The following ZFAT variants were observed in gnomAD, a reference collection of about 807,000 sequenced individuals.
ZFAT encodes zinc finger protein ZFAT.
A neutral mutation model predicts 117.7 loss-of-function variants in ZFAT; 64 were observed. The observed-to-expected ratio is 0.54, with a 90% CI of 0.44 to 0.67. The LOEUF is 0.67. ZFAT is among the 30% of genes least tolerant of loss of function. The probability of loss-of-function intolerance (pLI) is 0.00; values close to 1 mark genes in which losing one functional copy is unlikely to be tolerated. For missense variants in ZFAT, 1,433 were observed against 1,584.5 expected, an observed-to-expected ratio of 0.90 and a Z score of 1.62; for synonymous variants, 679 against 615.0, an observed-to-expected ratio of 1.10 and a Z score of -1.54.
At chr8:134,737,429 C>G in the ZFAT span, among the ~76,000 whole-genome samples, 2 of 152,218 alleles carry the variant, frequency 1.3e-5, no homozygotes, top group Non-Finnish European at 2.9e-5. Context: ...AAAGCAGCAG[C>G]TTCCTAAGCC....
intron 11 of ZFAT, among the ~76,000 whole-genome samples, chr8:134,545,478 G>A (rs769515801): frequency 5.9e-5 from 9 of 152,136 alleles, no homozygotes; most frequent in Non-Finnish European, 8.8e-5. Flanking sequence ...AACATAGCAC[G>A]ACTCTGTCTC....
chr8:134,769,537 A>G, the ZFAT span, among the ~76,000 whole-genome samples: 1 of 152,088 alleles, frequency 6.6e-6, no homozygotes, highest in Non-Finnish European at 1.5e-5. Flanking sequence ...AGCTACTTTC[A>G]TTGGATGGTG....
At chr8:134,830,056 C>A in the ZFAT span, among the ~76,000 whole-genome samples, 1 of 152,106 alleles carries the variant, frequency 6.6e-6, no homozygotes, top group East Asian at 1.9e-4. Flanking sequence ...TGGAGTAAAC[C>A]GTTCAAGAAC....
intron 15 of ZFAT, among the ~76,000 whole-genome samples, chr8:134,504,603 T>A (rs529104184): frequency 1.3e-5 from 2 of 152,206 alleles, no homozygotes; most frequent in Admixed American, 1.3e-4. Flanking sequence ...AACCAAGAAA[T>A]TGTCATTTGT....
chr8:134,481,227 G>A (rs1196712702), intron 15 of ZFAT, among the ~76,000 whole-genome samples: 1 of 152,180 alleles, frequency 6.6e-6, no homozygotes, highest in Non-Finnish European at 1.5e-5. Flanking sequence ...CTGGGAAAGG[G>A]AAGGCAACAT....
At chr8:134,536,197 A>G (rs148987349) in intron 11 of ZFAT, among the ~76,000 whole-genome samples, 38 of 152,304 alleles carry the variant, frequency 2.5e-4, no homozygotes, top group African/African-American at 9.1e-4. Flanking sequence ...TTGAGCTAGC[A>G]ATTTCTATCA....
intron 3 of ZFAT, among the ~76,000 whole-genome samples, chr8:134,617,480 G>A (rs1416170788): frequency 6.6e-6 from 1 of 152,138 alleles, no homozygotes; most frequent in South Asian, 2.1e-4. Context: ...GATATTTCTT[G>A]GACAATGATA....
chr8:134,758,572 T>C, the ZFAT span, among the ~76,000 whole-genome samples: 1 of 152,340 alleles, frequency 6.6e-6, no homozygotes, highest in East Asian at 1.9e-4. Context: ...CAAAATGGCT[T>C]TTCATGGCCC....
chr8:134,772,355 G>A, the ZFAT span, among the ~76,000 whole-genome samples: 48 of 152,210 alleles, frequency 3.2e-4, no homozygotes, highest in Admixed American at 2.2e-3. Context: ...CTACTCCAGT[G>A]AACACACAAA....
At chr8:134,756,761 C>G in the ZFAT span, among the ~76,000 whole-genome samples, 1 of 152,230 alleles carries the variant, frequency 6.6e-6, no homozygotes, top group African/African-American at 2.4e-5. Context: ...CAACCCTGCT[C>G]CAGAGCTCCC....
chr8:134,538,179 G>A (rs1821978350), intron 11 of ZFAT, among the ~76,000 whole-genome samples: 1 of 152,210 alleles, frequency 6.6e-6, no homozygotes, highest in South Asian at 2.1e-4. Flanking sequence ...GGCAAAAGGA[G>A]GTGGACTTGG....
intron 15 of ZFAT, among the ~76,000 whole-genome samples, chr8:134,498,556 C>T (rs34479122): frequency 1.8e-4 from 1 of 5,452 alleles, no homozygotes; most frequent in Non-Finnish European, 3.1e-4. Flanking sequence ...TTGGTAGGGT[C>T]GGGGTGGAGC....
chr8:134,606,394 G>C (rs1390918008), intron 5 of ZFAT, among the ~76,000 whole-genome samples: 1 of 152,172 alleles, frequency 6.6e-6, no homozygotes, highest in East Asian at 1.9e-4. Flanking sequence ...TGAGTACAAA[G>C]GCATATAAAT....
chr8:134,712,749 G>T, intron 1 of ZFAT, 96 bp downstream of exon 1: 3 of 1,258,842 alleles, frequency 2.4e-6, no homozygotes, highest in Non-Finnish European at 2.1e-6. Context: ...GGCGGCCGGC[G>T]CACTGCTTCC....
Position 134,601,712 on chromosome 8 carries a change from A to T in ZFAT, c.2007T>A (p.Asp669Glu), listed in dbSNP as rs1180888178. Residue 669 changes from aspartate (D) to glutamate (E), a missense_variant, in exon 6 of 16, where the codon GAT (aspartate) becomes GAA (glutamate). Coordinates refer to ENST00000377838, the MANE Select transcript of ZFAT (RefSeq NM_020863.4). ...GGTTTGACCTGAGACACCTGCTGGG[A>T]TCTGGGTCACCAGCTGAAAGCACAG... ...NMAVLSAGDPDPSRCLRSNPA... is the reference protein window; with the variant it reads ...NMAVLSAGDPEPSRCLRSNPA... 3 of 1,613,144 alleles carry T rather than the reference A, an allele frequency of 1.9e-6. No individual in the cohort carries two copies. The highest frequency in any genetic ancestry group is 1.7e-6 in the Non-Finnish European group (2 of 1,179,404).
At chr8:134,798,679 A>C in the ZFAT span, among the ~76,000 whole-genome samples, 67 of 152,258 alleles carry the variant, frequency 4.4e-4, 1 homozygote, top group African/African-American at 8.4e-4. Context: ...CTTATTACAT[A>C]ATCAGGAATG....
chr8:134,657,713 T>C lies in ZFAT; in HGVS notation c.44A>G (p.Lys15Arg). 1 of 1,612,278 alleles carries C rather than the reference T, an allele frequency of 6.2e-7. No individual in the cohort carries two copies. Among genetic ancestry groups the C allele is most frequent in the Non-Finnish European group, 8.5e-7 (1 of 1,179,598 alleles). ...AAENTAIFMC[K>R]CCNLFSPNQS... is the part of the protein sequence containing the mutation. ...ATTTGGTGAGAAGAGGTTACAACATTTACACATAAAGATGGCCGTGTTTTC... is the reference window on the plus strand; with the variant it reads ...ATTTGGTGAGAAGAGGTTACAACATCTACACATAAAGATGGCCGTGTTTTC... Residue 15 changes from lysine to arginine, a missense_variant, in exon 2 of 16, where the codon AAA becomes AGA. This residue lies in a region of ZFAT where 436 missense variants were observed against 482.0 expected (regional missense o/e 0.90). Coordinates refer to ENST00000377838, the MANE Select transcript of ZFAT (RefSeq NM_020863.4).
At chr8:134,658,076 G>A (rs745985907) in intron 1 of ZFAT, among the ~76,000 whole-genome samples, 4 of 152,308 alleles carry the variant, frequency 2.6e-5, no homozygotes, top group Admixed American at 1.3e-4. Flanking sequence ...GGTGGCGCAC[G>A]CCTGTAATCC....
At position 134,478,660 on chromosome 8, in the gene ZFAT, G is replaced by A. The variant is rs968817499; in HGVS notation, c.3554C>T (p.Ala1185Val). The A allele has an allele frequency of 5.1e-6, 8 of 1,582,830 alleles. No individual in the cohort carries two copies. Among genetic ancestry groups the A allele is most frequent in the Middle Eastern group, 1.7e-4 (1 of 6,058 alleles). ...TVMIQETVQQASVELAEQHHL... is the reference protein window; with the variant it reads ...TVMIQETVQQVSVELAEQHHL... Reference sequence around the variant, plus strand: ...GTGCTGCTCGGCAAGCTCCACGGACGCTTGCTGGACCGTCTCCTGGATCAT... The same window carrying A: ...GTGCTGCTCGGCAAGCTCCACGGACACTTGCTGGACCGTCTCCTGGATCAT... Residue 1185 changes from alanine (A) to valine (V), a missense_variant, in exon 16 of 16, where the codon GCG becomes GTG. By Grantham distance (64) the Ala-to-Val change is moderately conservative. Coordinates refer to ENST00000377838, the MANE Select transcript of ZFAT (RefSeq NM_020863.4). This position sits in a 1 kb window ranked among gnomAD's most constrained non-coding sequence, Gnocchi z 5.2.
Sources: gnomAD v4.1 joint callset for allele counts (sites outside exome capture counted in the v4.1 genomes callset) on GRCh38, gnomAD v4.1.1 for gene constraint, gnomAD v4.1.1 regional missense constraint, Gnocchi (gnomAD v3.1) non-coding constraint, MANE v1.5 for transcripts, NCBI Gene and HGNC (gene_info 2026-07-23, HGNC 2026-07-21) for gene names.